Variants in GRIK2 observed in about 807,000 individuals in gnomAD.
GRIK2 encodes glutamate receptor ionotropic, kainate 2.
A neutral mutation model predicts 100.3 loss-of-function variants in GRIK2; 32 were observed. The observed-to-expected ratio is 0.32, with a 90% CI of 0.24 to 0.43. The LOEUF is 0.43. Among genes scored for constraint, GRIK2 ranks in the 20% least tolerant of loss-of-function variants. The pLI is 1.00. For synonymous variants in GRIK2, 417 were observed against 389.4 expected (o/e 1.07, Z -0.83); for missense variants, 843 against 1,114.9 (o/e 0.76, Z 3.47).
chr6:101,527,038 G>A (rs1378752306), intron 2 of GRIK2, among the ~76,000 whole-genome samples: 1 of 152,064 alleles, frequency 6.6e-6, no homozygotes, highest in Admixed American at 6.6e-5. Context: ...TTTTATTGTT[G>A]CTTCCAGCAA....
chr6:101,876,644 G>T (rs554895585), intron 11 of GRIK2, among the ~76,000 whole-genome samples: 35 of 151,890 alleles, frequency 2.3e-4, no homozygotes, highest in African/African-American at 7.7e-4. Context: ...GATTTAATGT[G>T]CACTACTCAT....
intron 2 of GRIK2, among the ~76,000 whole-genome samples, chr6:101,546,262 G>C (rs1006788114): frequency 1.3e-5 from 2 of 152,088 alleles, no homozygotes; most frequent in Non-Finnish European, 2.9e-5. Flanking sequence ...TCTCAAAAAT[G>C]ATTTCAGAAA....
intron 7 of GRIK2, among the ~76,000 whole-genome samples, chr6:101,792,658 A>T (rs544275800): frequency 2.2e-3 from 337 of 151,762 alleles, no homozygotes; most frequent in African/African-American, 7.8e-3. Context: ...CTTCATTTCA[A>T]CTTTGGTAAA....
At chr6:101,918,609 G>A (rs1284002348) in intron 12 of GRIK2, among the ~76,000 whole-genome samples, 4 of 151,674 alleles carry the variant, frequency 2.6e-5, no homozygotes, top group Non-Finnish European at 4.4e-5. Context: ...TATCTCTCAT[G>A]CTGAGTTTTC....
intron 2 of GRIK2, among the ~76,000 whole-genome samples, chr6:101,491,743 C>T (rs1031739370): frequency 4.6e-5 from 7 of 151,858 alleles, no homozygotes; most frequent in Admixed American, 6.6e-5. Flanking sequence ...TTATCTTTAT[C>T]ACAACTACCA....
At chr6:102,008,590 A>T (rs140919028) in intron 14 of GRIK2, among the ~76,000 whole-genome samples, 1 of 152,134 alleles carries the variant, frequency 6.6e-6, no homozygotes, top group African/African-American at 2.4e-5. Context: ...TTCTAGAAGG[A>T]ATTTTGCCTC....
chr6:101,474,969 T>C (rs1772152272), intron 2 of GRIK2, among the ~76,000 whole-genome samples: 1 of 151,918 alleles, frequency 6.6e-6, no homozygotes, highest in South Asian at 2.1e-4. Flanking sequence ...ATTTTTCTTC[T>C]TCCCATAGTC....
At chr6:102,022,177 A>G (rs13206761) in intron 14 of GRIK2, among the ~76,000 whole-genome samples, 1 of 150,966 alleles carries the variant, frequency 6.6e-6, no homozygotes, top group Non-Finnish European at 1.5e-5. Context: ...ACATATATTT[A>G]TATATAAAAA....
At chr6:101,508,727 A>G (rs1480496149) in intron 2 of GRIK2, among the ~76,000 whole-genome samples, 1 of 152,202 alleles carries the variant, frequency 6.6e-6, no homozygotes, top group Non-Finnish European at 1.5e-5. Flanking sequence ...CCTTCCTAGG[A>G]AATCAGTTTG....
At chr6:101,657,486 T>C (rs771709985) in intron 4 of GRIK2, among the ~76,000 whole-genome samples, 7 of 152,164 alleles carry the variant, frequency 4.6e-5, no homozygotes, top group Non-Finnish European at 8.8e-5. Flanking sequence ...GACTGATACA[T>C]TGAGCCAATT....
chr6:101,735,260 T>C (rs1775558786), intron 7 of GRIK2, among the ~76,000 whole-genome samples: 1 of 152,178 alleles, frequency 6.6e-6, no homozygotes, highest in South Asian at 2.1e-4. Flanking sequence ...GCACCCAGTA[T>C]TTGATGGATA....
intron 8 of GRIK2, among the ~76,000 whole-genome samples, chr6:101,800,111 A>G (rs1780580056): frequency 6.6e-6 from 1 of 152,130 alleles, no homozygotes; most frequent in Non-Finnish European, 1.5e-5. Flanking sequence ...CATTTTTAAC[A>G]TAAATGTCAT....
intron 2 of GRIK2, among the ~76,000 whole-genome samples, chr6:101,558,594 A>T (rs1776853122): frequency 6.6e-6 from 1 of 151,724 alleles, no homozygotes; most frequent in East Asian, 1.9e-4. Context: ...TATGGTGGGA[A>T]TTTGGAAATA....
intron 2 of GRIK2, among the ~76,000 whole-genome samples, chr6:101,508,332 G>T (rs1774123710): frequency 6.6e-6 from 1 of 152,116 alleles, no homozygotes; most frequent in Non-Finnish European, 1.5e-5. Context: ...TTTAAGTTCA[G>T]TGAAAACAAG....
At chr6:101,665,018 C>G (rs1769912962) in intron 4 of GRIK2, among the ~76,000 whole-genome samples, 1 of 152,184 alleles carries the variant, frequency 6.6e-6, no homozygotes, top group Admixed American at 6.5e-5. Context: ...AGCTACAATT[C>G]TGGATGAGAT....
At chr6:101,713,505 G>A (rs539335577) in intron 7 of GRIK2, among the ~76,000 whole-genome samples, 2 of 151,822 alleles carry the variant, frequency 1.3e-5, no homozygotes, top group East Asian at 3.9e-4. Flanking sequence ...AAAGATTCAA[G>A]GTGGGCTTTA....
rs553755824 is a variant in GRIK2 at position 101,753,207 on chromosome 6, T to C, written c.952-46441T>C. Reference sequence around the variant, plus strand: ...CTGAGGCAGGAGAATGGCGTGAACCTGGGAGGCGGAGCTTGCAGTAAGCCG... The same window carrying C: ...CTGAGGCAGGAGAATGGCGTGAACCCGGGAGGCGGAGCTTGCAGTAAGCCG... On this transcript the variant is annotated intron_variant, in intron 7 of 16. Coordinates refer to ENST00000369134, the MANE Select transcript of GRIK2 (RefSeq NM_021956.5). 1.1e-4 allele frequency among the ~76,000 whole-genome samples: 15 copies of C among 141,776 alleles called. No individual in the cohort carries two copies. In the East Asian group the frequency reaches 2.3e-3, roughly 22 times the overall value. The allele number at this position is 141,776 out of a possible 152,430, so 93.0% of individuals were successfully genotyped here.
chr6:101,865,758 G>A (rs1272374494), intron 11 of GRIK2, among the ~76,000 whole-genome samples: 1 of 151,780 alleles, frequency 6.6e-6, no homozygotes, highest in Non-Finnish European at 1.5e-5. Flanking sequence ...GTGTGCTGGT[G>A]CACTCCCGTA....
intron 14 of GRIK2, among the ~76,000 whole-genome samples, chr6:101,951,029 T>A (rs2128479071): frequency 6.6e-6 from 1 of 152,286 alleles, no homozygotes. Context: ...CAGCAAGAAG[T>A]TGTGTGTCAG....
Sources: gnomAD v4.1 joint callset for allele counts (sites outside exome capture counted in the v4.1 genomes callset) on GRCh38, gnomAD v4.1.1 for gene constraint, MANE v1.5 for transcripts, NCBI Gene and HGNC (gene_info 2026-07-23, HGNC 2026-07-21) for gene names.